The following ZNF804B variants were observed in gnomAD, a reference collection of about 807,000 sequenced individuals.
ZNF804B encodes zinc finger protein 804B.
ZNF804B carries 80 observed loss-of-function variants against 101.4 expected under a neutral mutation model. That is an observed-to-expected ratio of 0.79 (90% CI 0.66 to 0.95). The LOEUF is 0.95. ZNF804B is among the 40% of genes least tolerant of loss of function. ZNF804B has a pLI of 0.00. For missense variants in ZNF804B, 1,673 were observed against 1,561.9 expected (o/e 1.07, Z -1.20); for synonymous variants, 622 against 558.8 (o/e 1.11, Z -1.59).
intron 1 of ZNF804B, among the ~76,000 whole-genome samples, chr7:88,796,711 C>T (rs1334470333): frequency 2.6e-5 from 4 of 152,130 alleles, no homozygotes; most frequent in African/African-American, 4.8e-5. Flanking sequence ...TTGGATCTCT[C>T]GCTCTACTTC....
At chr7:89,205,089 G>T (rs1788695850) in intron 1 of ZNF804B, among the ~76,000 whole-genome samples, 1 of 152,112 alleles carries the variant, frequency 6.6e-6, no homozygotes, top group South Asian at 2.1e-4. Context: ...ATGTGCAGGA[G>T]AACTCCCATT....
chr7:89,289,158 A>G (rs576039973), intron 2 of ZNF804B, among the ~76,000 whole-genome samples: 4 of 152,230 alleles, frequency 2.6e-5, no homozygotes, highest in Non-Finnish European at 2.9e-5. Flanking sequence ...CAATGGTAAG[A>G]AATGAAGAAT....
In ZNF804B at chr7:88,808,313, C is replaced by T. The variant is rs188203570; in HGVS notation, c.108+48229C>T. Among the ~76,000 whole-genome samples, 257 of 149,452 alleles carry T rather than the reference C, an allele frequency of 1.7e-3. 5 individuals carry two copies. The East Asian group carries it at 0.036, about 21-fold the overall frequency. Reference sequence around the variant, plus strand: ...AGGAGAATCACTTGAACCCAGGAGACGGAGGTTGCAGTGAGCCGAGATTGC... The same window carrying T: ...AGGAGAATCACTTGAACCCAGGAGATGGAGGTTGCAGTGAGCCGAGATTGC... On this transcript the variant is annotated intron_variant, in intron 1 of 3. Coordinates refer to ENST00000333190, the MANE Select transcript of ZNF804B (RefSeq NM_181646.5).
chr7:89,256,486 A>C (rs1242633338), intron 2 of ZNF804B, among the ~76,000 whole-genome samples: 3 of 151,674 alleles, frequency 2.0e-5, no homozygotes, highest in Non-Finnish European at 4.4e-5. Context: ...TTGAGGCTGC[A>C]GTGAGCTGTG....
In ZNF804B at chr7:88,829,095, C is replaced by T. The variant is rs10260362; in HGVS notation, c.108+69011C>T. 2.3e-3 allele frequency among the ~76,000 whole-genome samples: 353 copies of T among 152,092 alleles called. 3 individuals are homozygous for T. The highest frequency in any genetic ancestry group is 8.2e-3 in the African/African-American group (340 of 41,488). ...ATATCTATTGTTTTGATACTTTTTG[C>T]TATTTTTAAGACAAGATCTCTCTCT... On this transcript the variant is annotated intron_variant, in intron 1 of 3. Transcript: ENST00000333190.
chr7:89,026,783 AG>A (rs1347174721), intron 1 of ZNF804B, among the ~76,000 whole-genome samples: 1 of 152,176 alleles, frequency 6.6e-6, no homozygotes, highest in Non-Finnish European at 1.5e-5. Context: ...CTGTAATAAA[AG>A]ATAGAAGTTC....
chr7:88,880,823 CTTCCT>C (rs911273507), intron 1 of ZNF804B, among the ~76,000 whole-genome samples: 1 of 151,980 alleles, frequency 6.6e-6, no homozygotes, highest in African/African-American at 2.4e-5. Context: ...CTTCTTTTGT[CTTCCT>C]TTCATGTATG....
At chr7:88,858,191 A>C (rs569324056) in intron 1 of ZNF804B, among the ~76,000 whole-genome samples, 11 of 152,164 alleles carry the variant, frequency 7.2e-5, no homozygotes, top group African/African-American at 2.6e-4. Context: ...AATAGCAAAA[A>C]AGTCTAAATA....
At chr7:88,812,164 C>T (rs1249162997) in intron 1 of ZNF804B, among the ~76,000 whole-genome samples, 1 of 152,152 alleles carries the variant, frequency 6.6e-6, no homozygotes. Flanking sequence ...AGTACTTAGG[C>T]ACCAGCCAAT....
chr7:88,924,803 A>G (rs1044171831), intron 1 of ZNF804B, among the ~76,000 whole-genome samples: 3 of 152,158 alleles, frequency 2.0e-5, no homozygotes, highest in Non-Finnish European at 4.4e-5. Context: ...TACAATCTCC[A>G]TGACAACAGG....
In ZNF804B at chr7:89,333,759, T is replaced by C. The variant is rs1562743139; in HGVS notation, c.777T>C (p.Thr259=). Reference sequence around the variant, plus strand: ...CACCCATTTATAAAACAAAACAAACTGCAGATAAGTGCAAGTGCTGCAGGT... The same window carrying C: ...CACCCATTTATAAAACAAAACAAACCGCAGATAAGTGCAAGTGCTGCAGGT... The part of the protein sequence containing the change: ...NKSPIYKTKQ[T]ADKCKCCRFA... Residue 259 remains threonine, a synonymous_variant, in exon 4 of 4, where the codon ACT becomes ACC. Transcript: ENST00000333190. 1 of 1,613,538 alleles carries C rather than the reference T, an allele frequency of 6.2e-7. No homozygotes were observed. Among genetic ancestry groups the C allele is most frequent in the Non-Finnish European group, 8.5e-7 (1 of 1,179,768 alleles).
intron 1 of ZNF804B, among the ~76,000 whole-genome samples, chr7:89,114,107 A>G (rs576124599): frequency 1.3e-5 from 2 of 152,302 alleles, no homozygotes; most frequent in East Asian, 1.9e-4. Context: ...AAAATAAAGA[A>G]AAAAATATAA....
intron 1 of ZNF804B, among the ~76,000 whole-genome samples, chr7:88,969,786 A>G (rs1021723607): frequency 6.6e-6 from 1 of 151,690 alleles, no homozygotes; most frequent in African/African-American, 2.4e-5. Context: ...TGTATTTTAT[A>G]TCACACTGGT....
intron 1 of ZNF804B, among the ~76,000 whole-genome samples, chr7:88,915,490 G>C (rs911476702): frequency 6.6e-6 from 1 of 151,820 alleles, no homozygotes; most frequent in African/African-American, 2.4e-5. Context: ...GATTGAAATG[G>C]CCTTATACTT....
chr7:89,298,854 C>T (rs1468058135), intron 2 of ZNF804B, among the ~76,000 whole-genome samples: 2 of 151,670 alleles, frequency 1.3e-5, no homozygotes, highest in Non-Finnish European at 2.9e-5. Context: ...ACATCCCTAC[C>T]AGCTATGTGT....
intron 1 of ZNF804B, among the ~76,000 whole-genome samples, chr7:88,975,426 T>A (rs980810276): frequency 6.6e-6 from 1 of 151,314 alleles, no homozygotes; most frequent in African/African-American, 2.4e-5. Flanking sequence ...TTTTCGCACA[T>A]CCTCACCAAT....
rs555859012 is a variant in ZNF804B at position 88,954,534 on chromosome 7, G to A, written c.108+194450G>A. The stretch of plus-strand genomic sequence containing the variant: ...AAAGATGTCAATTAGCATGCTATAA[G>A]AGAAACTCTTTCTAAAACATGCCCC... On this transcript the variant is annotated intron_variant, in intron 1 of 3. Transcript: ENST00000333190. 7.1e-5 allele frequency among the ~76,000 whole-genome samples: 10 copies of A among 140,276 alleles called. No individual in the cohort carries two copies. In the South Asian group the frequency reaches 2.4e-3, roughly 34 times the overall value. 92.0% of individuals were successfully genotyped at this position (140,276 alleles called of 152,430 possible).
rs1036087949 is a variant in ZNF804B, at chr7:89,323,242, T to C, written c.250-4102T>C. Among the ~76,000 whole-genome samples the C allele has an allele frequency of 3.9e-5, 6 of 152,204 alleles. No homozygotes were observed. The East Asian group carries it at 9.6e-4, about 24-fold the overall frequency. On this transcript the variant is annotated intron_variant, in intron 2 of 3. Coordinates refer to ENST00000333190, the MANE Select transcript of ZNF804B (RefSeq NM_181646.5). ...TTCAGAACTGTTAGAAATAAATGTT[T>C]GTTAGCTAAGCCACCCAGTCTGTGG...
At chr7:88,947,629 C>T (rs970297154) in intron 1 of ZNF804B, among the ~76,000 whole-genome samples, 1 of 151,646 alleles carries the variant, frequency 6.6e-6, no homozygotes, top group African/African-American at 2.4e-5. Context: ...CCTAACAAAC[C>T]TGCATGTTCT....
Sources: gnomAD v4.1 joint callset for allele counts (sites outside exome capture counted in the v4.1 genomes callset) on GRCh38, gnomAD v4.1.1 for gene constraint, MANE v1.5 for transcripts, NCBI Gene and HGNC (gene_info 2026-07-23, HGNC 2026-07-21) for gene names.